Variants in ARHGEF11 observed in about 807,000 individuals in gnomAD.
The protein encoded by ARHGEF11 is Rho guanine nucleotide exchange factor 11, also known as Rho guanine exchange factor (GEF) 11.
A neutral mutation model predicts 193.7 loss-of-function variants in ARHGEF11; 55 were observed. The observed-to-expected ratio is 0.28, with a 90% CI of 0.23 to 0.36. The LOEUF (loss-of-function observed/expected upper bound fraction) is 0.36, where lower values mean the gene tolerates loss of function less well. ARHGEF11 is among the 10% of genes least tolerant of loss of function. The probability of loss-of-function intolerance (pLI) is 1.00; values close to 1 mark genes in which losing one functional copy is unlikely to be tolerated. For missense variants in ARHGEF11, 1,723 were observed against 2,005.6 expected, an observed-to-expected ratio of 0.86 and a Z score of 2.69; for synonymous variants, 693 against 768.0, an observed-to-expected ratio of 0.90 and a Z score of 1.62.
intron 28 of ARHGEF11, 82 bp downstream of exon 28, chr1:156,946,580 T>C: frequency 6.3e-7 from 1 of 1,592,512 alleles, no homozygotes; most frequent in Non-Finnish European, 8.6e-7. Context: ...AGGGATGATG[T>C]GGCCAGAAGG....
intron 11 of ARHGEF11, among the ~76,000 whole-genome samples, chr1:156,965,167 G>A (rs1661517188): frequency 6.6e-6 from 1 of 152,110 alleles, no homozygotes; most frequent in African/African-American, 2.4e-5. Flanking sequence ...TACCAACTTA[G>A]TTTTCAGAAG....
chr1:156,961,183 G>A (rs1393744254), intron 14 of ARHGEF11, among the ~76,000 whole-genome samples: 2 of 152,196 alleles, frequency 1.3e-5, no homozygotes, highest in South Asian at 2.1e-4. Context: ...ACATACCCCG[G>A]GAACTCTGTC....
At position 157,002,354 on chromosome 1, in the gene ARHGEF11, C is replaced by G. The variant is rs146618157; in HGVS notation, c.33-16181G>C. On this transcript the variant is annotated intron_variant, in intron 1 of 40. Transcript: ENST00000368194. ...TCCATCGAGTGAGGCACATAAGATA[C>G]ACTCAACAGAAATTTGTTGAATGCT... is the stretch of plus-strand genomic sequence containing the variant. Among the ~76,000 whole-genome samples the G allele has an allele frequency of 2.9e-3, 447 of 152,280 alleles. 4 individuals are homozygous for G. Among genetic ancestry groups the G allele is most frequent in the East Asian group, 0.024 (124 of 5,178 alleles).
intron 1 of ARHGEF11, among the ~76,000 whole-genome samples, chr1:157,032,210 G>A (rs1671390146): frequency 6.6e-6 from 1 of 152,136 alleles, no homozygotes; most frequent in Non-Finnish European, 1.5e-5. Flanking sequence ...TTCCCAGATG[G>A]GGAGCTTACG....
intron 34 of ARHGEF11, among the ~76,000 whole-genome samples, 171 bp from the exon 35 acceptor site, chr1:156,941,604 C>T (rs943956164): frequency 2.0e-5 from 3 of 152,198 alleles, no homozygotes; most frequent in Admixed American, 2.0e-4. Flanking sequence ...CTTCTCTGGT[C>T]CCTTGCTCTA....
chr1:156,936,497 A>AAAAAAAAAATATAT (rs370282821), intron 40 of ARHGEF11, among the ~76,000 whole-genome samples: 1 of 33,916 alleles, frequency 2.9e-5, no homozygotes, highest in Non-Finnish European at 4.6e-5. Context: ...AAAAAAAAAA[A>AAAAAAAAAATATAT]ATATATATAT....
At chr1:156,957,040 T>A (rs953863077) in intron 18 of ARHGEF11, among the ~76,000 whole-genome samples, 1 of 152,016 alleles carries the variant, frequency 6.6e-6, no homozygotes, top group South Asian at 2.1e-4. Context: ...GCCTTCACCA[T>A]CCTCCCACCC....
intron 11 of ARHGEF11, 49 bp downstream of exon 11, chr1:156,967,938 T>G (rs191892169): frequency 2.1e-5 from 34 of 1,612,282 alleles, no homozygotes; most frequent in Admixed American, 1.0e-4. Context: ...TGCCTCCAAA[T>G]CTCACTTCTG....
At chr1:157,000,801 T>C (rs1157074100) in intron 1 of ARHGEF11, among the ~76,000 whole-genome samples, 1 of 152,204 alleles carries the variant, frequency 6.6e-6, no homozygotes, top group East Asian at 1.9e-4. Context: ...CTGAGGTAAC[T>C]GCAGGTAGAT....
rs114745119 is a variant in ARHGEF11, at chr1:157,004,940, G to T, written c.33-18767C>A. On this transcript the variant is annotated intron_variant, in intron 1 of 40. Transcript: ENST00000368194. ...ATGTGGAAATGATGACATCCAGAAG[G>T]CCAAAGGAATCTAGGACTCTAACTC... Among the ~76,000 whole-genome samples, 592 of 152,338 alleles carry T rather than the reference G, an allele frequency of 3.9e-3. 2 individuals carry two copies. Among genetic ancestry groups the T allele is most frequent in the African/African-American group, 0.014 (572 of 41,566 alleles).
Position 156,944,108 on chromosome 1 carries a change from G to C in ARHGEF11, c.3068-6C>G. On this transcript the variant is annotated splice_region_variant and splice_polypyrimidine_tract_variant and intron_variant, in intron 31 of 40. Transcript: ENST00000368194. ...CAGCAGCAGCACGTGGAGGTCTGGA[G>C]GGGTATGGTCATGGGAAGGTGTTCC... 6.2e-7 allele frequency: 1 copy of C among 1,612,882 alleles called. No individual in the cohort carries two copies. Among genetic ancestry groups the C allele is most frequent in the South Asian group, 1.1e-5 (1 of 90,888 alleles).
chr1:157,005,468 C>A (rs1420950030), intron 1 of ARHGEF11, among the ~76,000 whole-genome samples: 1 of 152,202 alleles, frequency 6.6e-6, no homozygotes, highest in Non-Finnish European at 1.5e-5. Flanking sequence ...AGCGACAGCT[C>A]AGAGGTCAGA....
At chr1:156,963,465 A>G (rs989176599) in intron 12 of ARHGEF11, 55 bp downstream of exon 12, 7 of 1,580,858 alleles carry the variant, frequency 4.4e-6, no homozygotes, top group African/African-American at 1.4e-5. Flanking sequence ...TCTAGTCAAG[A>G]GCAGCTTGTA....
At chr1:156,975,404 CTT>C (rs1009996110) in intron 7 of ARHGEF11, among the ~76,000 whole-genome samples, 4 of 152,162 alleles carry the variant, frequency 2.6e-5, no homozygotes, top group Admixed American at 2.6e-4. Flanking sequence ...ATTGGGTTGT[CTT>C]TTTATTGCTG....
At position 157,044,446 on chromosome 1, in the gene ARHGEF11, A is replaced by C; in HGVS notation, c.-116T>G. On this transcript the variant is annotated 5_prime_UTR_variant, in exon 1 of 41. The change creates a new upstream start codon in the 5' untranslated region. Transcript: ENST00000368194. ...GGAGGGCCTCCCAACTTGAAGATAG[A>C]ATCCTTTCTCCTCCAGCTCTCAGGA... The C allele has an allele frequency of 1.1e-6, 1 of 922,096 alleles. No homozygotes were observed. The highest frequency in any genetic ancestry group is 1.8e-6 in the Non-Finnish European group (1 of 558,190). The allele number at this position is 922,096 out of a possible 1,614,324, so 57.1% of individuals were successfully genotyped here.
chr1:157,014,340 C>A (rs535454091), intron 1 of ARHGEF11, among the ~76,000 whole-genome samples: 3 of 152,280 alleles, frequency 2.0e-5, no homozygotes, highest in East Asian at 3.9e-4. Context: ...TCTCCTAAAT[C>A]TTCAAGATCT....
rs1222346636 is a variant in ARHGEF11 at position 157,036,078 on chromosome 1, AAT to A, written c.32+8219_32+8220del. 8.4e-3 allele frequency among the ~76,000 whole-genome samples: 1,211 copies of A among 143,894 alleles called. 27 individuals are homozygous for A. The highest frequency in any genetic ancestry group is 0.029 in the African/African-American group (1,157 of 39,354). The allele number at this position is 143,894 out of a possible 152,430, so 94.4% of individuals were successfully genotyped here. A position where few individuals can be genotyped will look rare whatever the true frequency, so the allele number is the denominator to read the frequency against. ...AGGAATATATATATGAATCTATATG[AAT>A]ATATATATGAAAATACATATATGAA... On this transcript the variant is annotated intron_variant, in intron 1 of 40. Coordinates refer to ENST00000368194, the MANE Select transcript of ARHGEF11 (RefSeq NM_198236.3).
intron 2 of ARHGEF11, 42 bp from the exon 3 acceptor site, chr1:156,984,479 G>A: frequency 6.7e-7 from 1 of 1,486,798 alleles, no homozygotes; most frequent in Non-Finnish European, 9.2e-7. Flanking sequence ...GTGTCACTGG[G>A]AGGTTAGTGT....
At chr1:156,943,526 T>A (rs893109873) in intron 32 of ARHGEF11, among the ~76,000 whole-genome samples, 1 of 152,244 alleles carries the variant, frequency 6.6e-6, no homozygotes, top group Non-Finnish European at 1.5e-5. Context: ...CCCTGTCCAC[T>A]GGACCCAGCT....
Sources: gnomAD v4.1 joint callset for allele counts (sites outside exome capture counted in the v4.1 genomes callset) on GRCh38, gnomAD v4.1.1 for gene constraint, MANE v1.5 for transcripts, NCBI Gene and HGNC (gene_info 2026-07-23, HGNC 2026-07-21) for gene names.